GRIK2: variants seen among roughly 807,000 people sequenced by gnomAD.
GRIK2 encodes the protein glutamate ionotropic receptor kainate type subunit 2.
In GRIK2, 32 loss-of-function variants were observed where a neutral mutation model predicts 100.3. That is an observed-to-expected ratio of 0.32 (90% CI 0.24 to 0.43). GRIK2 has a LOEUF of 0.43. Among genes scored for constraint, GRIK2 ranks in the 20% least tolerant of loss-of-function variants. The pLI, the probability that GRIK2 is intolerant of heterozygous loss-of-function variation, is 1.00. For missense variants in GRIK2, 843 were observed against 1,114.9 expected, an observed-to-expected ratio of 0.76 and a Z score of 3.47; for synonymous variants, 417 against 389.4, an observed-to-expected ratio of 1.07 and a Z score of -0.83.
chr6:101,449,608 G>A (rs1430008443), intron 2 of GRIK2, among the ~76,000 whole-genome samples: 1 of 151,716 alleles, frequency 6.6e-6, no homozygotes, highest in African/African-American at 2.4e-5. Flanking sequence ...ATTGGACAAA[G>A]AGAGTATGAT....
chr6:101,450,023 C>T (rs1770588086), intron 2 of GRIK2, among the ~76,000 whole-genome samples: 1 of 151,632 alleles, frequency 6.6e-6, no homozygotes, highest in Non-Finnish European at 1.5e-5. Context: ...ATAAATTATT[C>T]TAGTAAGTTT....
chr6:101,548,077 T>C (rs1431375898), intron 2 of GRIK2, among the ~76,000 whole-genome samples: 1 of 152,050 alleles, frequency 6.6e-6, no homozygotes, highest in Non-Finnish European at 1.5e-5. Flanking sequence ...CCAGTGATGA[T>C]GAGCATTTTT....
intron 2 of GRIK2, among the ~76,000 whole-genome samples, chr6:101,530,158 T>A (rs1775361633): frequency 6.6e-6 from 1 of 152,122 alleles, no homozygotes; most frequent in African/African-American, 2.4e-5. Flanking sequence ...TAAACCTGGA[T>A]AACTGCAACA....
chr6:101,794,375 T>G (rs1199026772), intron 7 of GRIK2, among the ~76,000 whole-genome samples: 1 of 152,172 alleles, frequency 6.6e-6, no homozygotes, highest in Non-Finnish European at 1.5e-5. Context: ...ATGAATTTCT[T>G]GTAGGCAGTA....
At chr6:101,932,037 T>A (rs1008271530) in intron 14 of GRIK2, among the ~76,000 whole-genome samples, 2 of 152,038 alleles carry the variant, frequency 1.3e-5, no homozygotes, top group Non-Finnish European at 2.9e-5. Context: ...CATTATAGGA[T>A]CAAAAATCAC....
At chr6:101,789,385 A>C (rs9498705) in intron 7 of GRIK2, among the ~76,000 whole-genome samples, 146,877 of 152,092 alleles carry the variant, frequency 0.97, 70,983 homozygotes, top group East Asian at 1. Context: ...TTTTTGTATA[A>C]GGTGTAAGGA....
At chr6:101,793,523 A>G (rs1439116185) in intron 7 of GRIK2, among the ~76,000 whole-genome samples, 1 of 151,942 alleles carries the variant, frequency 6.6e-6, no homozygotes, top group Non-Finnish European at 1.5e-5. Flanking sequence ...AGAACTGCAG[A>G]TTTTCTTGTA....
intron 13 of GRIK2, among the ~76,000 whole-genome samples, chr6:101,925,653 A>G (rs1389602580): frequency 6.6e-6 from 1 of 152,002 alleles, no homozygotes; most frequent in Non-Finnish European, 1.5e-5. Context: ...TAAAGGAAGA[A>G]AAAAAAACAT....
intron 2 of GRIK2, among the ~76,000 whole-genome samples, chr6:101,589,409 C>T (rs767231458): frequency 2.6e-5 from 4 of 152,072 alleles, no homozygotes; most frequent in African/African-American, 7.2e-5. Context: ...TTCCACCTAT[C>T]GGAAGTTTTG....
At chr6:101,711,517 C>T (rs192081778) in intron 7 of GRIK2, among the ~76,000 whole-genome samples, 193 of 151,760 alleles carry the variant, frequency 1.3e-3, no homozygotes, top group Non-Finnish European at 1.5e-3. Context: ...TGCAATACTT[C>T]GTATTAAAGA....
intron 14 of GRIK2, among the ~76,000 whole-genome samples, chr6:102,016,812 GAC>G (rs965202961): frequency 2.0e-5 from 3 of 152,016 alleles, no homozygotes; most frequent in African/African-American, 4.8e-5. Context: ...TTATACTCAA[GAC>G]ACATCATCAT....
chr6:101,792,946 A>G (rs1373643728), intron 7 of GRIK2, among the ~76,000 whole-genome samples: 9 of 151,666 alleles, frequency 5.9e-5, no homozygotes, highest in African/African-American at 2.2e-4. Flanking sequence ...TTCTCGCTTC[A>G]TTTCATTCAT....
intron 7 of GRIK2, among the ~76,000 whole-genome samples, chr6:101,798,741 T>C (rs1285199533): frequency 6.6e-6 from 1 of 151,994 alleles, no homozygotes; most frequent in African/African-American, 2.4e-5. Flanking sequence ...GCATTGTCAG[T>C]GTGGCTGTCT....
intron 2 of GRIK2, among the ~76,000 whole-genome samples, chr6:101,440,624 T>C (rs1769992173): frequency 6.6e-6 from 1 of 152,196 alleles, no homozygotes; most frequent in South Asian, 2.1e-4. Flanking sequence ...CCTGCACCCA[T>C]GCAGTTGTCC....
chr6:101,460,014 C>CT (rs376680599), intron 2 of GRIK2, among the ~76,000 whole-genome samples: 11 of 152,296 alleles, frequency 7.2e-5, no homozygotes, highest in Non-Finnish European at 1.0e-4. Context: ...ACCTCGGCCT[C>CT]TCGATGTGCT....
Position 101,964,834 on chromosome 6 carries a change from G to A in GRIK2, c.2085+36202G>A, listed in dbSNP as rs562893406. ...GAGAACACAATGAGTCAGGAGGACA[G>A]TTCTCTGTCTCCAGGTCATGCAAGG... On this transcript the variant is annotated intron_variant, in intron 14 of 16. Coordinates refer to ENST00000369134, the MANE Select transcript of GRIK2 (RefSeq NM_021956.5). 6.5e-4 allele frequency among the ~76,000 whole-genome samples: 99 copies of A among 152,308 alleles called. 1 individual carries two copies. The South Asian group carries it at 0.019, about 30-fold the overall frequency.
chr6:102,049,720 G>C (rs974612031), intron 15 of GRIK2, among the ~76,000 whole-genome samples: 1 of 152,096 alleles, frequency 6.6e-6, no homozygotes, highest in Admixed American at 6.6e-5. Context: ...CTGTTGTAAA[G>C]AGTTTTAGAA....
intron 2 of GRIK2, among the ~76,000 whole-genome samples, chr6:101,491,907 A>G: frequency 6.8e-6 from 1 of 147,928 alleles, no homozygotes; most frequent in South Asian, 2.1e-4. Flanking sequence ...ATATGTGTGT[A>G]TACATATATA....
intron 16 of GRIK2, among the ~76,000 whole-genome samples, chr6:102,066,244 T>A (rs2114539317): frequency 6.6e-6 from 1 of 151,762 alleles, no homozygotes; most frequent in South Asian, 2.1e-4. Context: ...CTGAAAATTT[T>A]TTAAGCAATT....
Sources: allele counts gnomAD v4.1 joint callset (sites outside exome capture counted in the v4.1 genomes callset), GRCh38; gene constraint gnomAD v4.1.1; transcripts MANE v1.5; gene names NCBI Gene and HGNC (gene_info 2026-07-23, HGNC 2026-07-21).